Variants in GRM5 observed in about 807,000 individuals in gnomAD.
GRM5 encodes glutamate metabotropic receptor 5, also known as metabotropic glutamate receptor 5.
GRM5 carries 19 observed loss-of-function variants against 83.1 expected under a neutral mutation model. The observed-to-expected ratio is 0.23, with a 90% CI of 0.16 to 0.34. The LOEUF is 0.34. Ranked by LOEUF, GRM5 falls within the 10% of genes least tolerant of loss-of-function variation. The pLI is 1.00. For missense variants in GRM5, 1,160 were observed against 1,588.3 expected, an observed-to-expected ratio of 0.73 and a Z score of 4.58; for synonymous variants, 675 against 633.6, an observed-to-expected ratio of 1.07 and a Z score of -0.98.
intron 3 of GRM5, among the ~76,000 whole-genome samples, chr11:88,760,854 C>G (rs62355567): frequency 6.6e-6 from 1 of 152,198 alleles, no homozygotes; most frequent in African/African-American, 2.4e-5. Flanking sequence ...AAAAGCTTAT[C>G]CGTCATGATC....
At chr11:88,544,376 C>T (rs1467802279) in intron 8 of GRM5, among the ~76,000 whole-genome samples, 1 of 152,182 alleles carries the variant, frequency 6.6e-6, no homozygotes, top group African/African-American at 2.4e-5. Context: ...CTAGCCCAGC[C>T]TTGTGTTTGC....
At chr11:88,808,271 G>C (rs1305478595) in intron 3 of GRM5, among the ~76,000 whole-genome samples, 1 of 151,948 alleles carries the variant, frequency 6.6e-6, no homozygotes, top group Admixed American at 6.6e-5. Flanking sequence ...CTAATAGCAA[G>C]ATATAAGAAA....
intron 3 of GRM5, among the ~76,000 whole-genome samples, chr11:88,847,935 T>G (rs555343192): frequency 1.2e-4 from 18 of 152,336 alleles, no homozygotes; most frequent in African/African-American, 4.3e-4. Context: ...TTAGTGTACA[T>G]GGGATCAAAG....
At chr11:88,625,306 G>A (rs191564112) in intron 4 of GRM5, among the ~76,000 whole-genome samples, 4 of 152,254 alleles carry the variant, frequency 2.6e-5, no homozygotes, top group Non-Finnish European at 4.4e-5. Flanking sequence ...CATAGCAAGA[G>A]TGTATGAGGA....
chr11:88,714,322 G>A (rs73533748), intron 3 of GRM5, among the ~76,000 whole-genome samples: 2,119 of 152,032 alleles, frequency 0.014, 51 homozygotes, highest in African/African-American at 0.049. Flanking sequence ...TCAGTGAGCA[G>A]TAAAGGCATC....
chr11:89,010,876 G>C (rs1306457644), intron 2 of GRM5, among the ~76,000 whole-genome samples: 1 of 152,084 alleles, frequency 6.6e-6, no homozygotes, highest in Admixed American at 6.6e-5. Flanking sequence ...AATATCTGCA[G>C]AGGATGGCAC....
chr11:88,532,517 C>T (rs1242661721), intron 8 of GRM5, among the ~76,000 whole-genome samples: 1 of 152,104 alleles, frequency 6.6e-6, no homozygotes, highest in Non-Finnish European at 1.5e-5. Context: ...TAAGCTTGAG[C>T]ATAAACATGG....
intron 2 of GRM5, among the ~76,000 whole-genome samples, chr11:89,000,323 A>G (rs1260557764): frequency 6.6e-6 from 1 of 152,236 alleles, no homozygotes; most frequent in Non-Finnish European, 1.5e-5. Flanking sequence ...GTTTTATTAT[A>G]TAATTACAAT....
chr11:88,653,125 C>A (rs1306286335), intron 4 of GRM5, 43 bp downstream of exon 4: 4 of 1,213,864 alleles, frequency 3.3e-6, no homozygotes, highest in Non-Finnish European at 4.9e-6. Context: ...TAAATTGGAA[C>A]CTTAGCCTTA....
intron 2 of GRM5, among the ~76,000 whole-genome samples, chr11:88,890,332 A>G (rs1945122672): frequency 6.6e-6 from 1 of 152,110 alleles, no homozygotes; most frequent in Non-Finnish European, 1.5e-5. Context: ...GTGCCTACTT[A>G]TTAGGCCCTA....
chr11:89,023,016 G>A (rs1258183467), intron 2 of GRM5, among the ~76,000 whole-genome samples: 3 of 152,118 alleles, frequency 2.0e-5, no homozygotes, highest in Admixed American at 2.0e-4. Context: ...CACGTTCCCA[G>A]GTAATTTTCA....
intron 2 of GRM5, among the ~76,000 whole-genome samples, chr11:89,007,430 T>G (rs1565332659): frequency 6.6e-6 from 1 of 152,206 alleles, no homozygotes; most frequent in Non-Finnish European, 1.5e-5. Context: ...ATCCAGTGAT[T>G]GGTCACATTA....
chr11:89,048,597 C>T (rs1207174298), intron 1 of GRM5, among the ~76,000 whole-genome samples: 2 of 152,156 alleles, frequency 1.3e-5, no homozygotes, highest in African/African-American at 2.4e-5. Flanking sequence ...CATATTCTCT[C>T]TCCAAATACA....
intron 2 of GRM5, among the ~76,000 whole-genome samples, chr11:89,005,223 A>C (rs1017958805): frequency 6.6e-6 from 1 of 152,214 alleles, no homozygotes; most frequent in Non-Finnish European, 1.5e-5. Context: ...GAAAGAAAGA[A>C]ATTTGAAGTT....
At chr11:88,532,524 A>C (rs982163543) in intron 8 of GRM5, among the ~76,000 whole-genome samples, 1 of 152,202 alleles carries the variant, frequency 6.6e-6, no homozygotes. Context: ...GAGCATAAAC[A>C]TGGAAGTGCA....
intron 4 of GRM5, among the ~76,000 whole-genome samples, chr11:88,610,795 CCAATTCT>C (rs1234742888): frequency 2.0e-5 from 3 of 152,144 alleles, no homozygotes; most frequent in Non-Finnish European, 4.4e-5. Context: ...TTGTCTTGTT[CCAATTCT>C]CAGAAGGAAT....
At chr11:88,874,966 G>C (rs1448612089) in intron 2 of GRM5, among the ~76,000 whole-genome samples, 2 of 151,970 alleles carry the variant, frequency 1.3e-5, no homozygotes, top group African/African-American at 4.8e-5. Context: ...TTTGCTGATA[G>C]AGGATCTTGT....
At chr11:89,036,740 CCTA>C (rs1020151541) in intron 2 of GRM5, among the ~76,000 whole-genome samples, 1 of 147,058 alleles carries the variant, frequency 6.8e-6, no homozygotes, top group Non-Finnish European at 1.5e-5. Context: ...CTGGGTTCAT[CCTA>C]CTACTTAAAT....
intron 2 of GRM5, among the ~76,000 whole-genome samples, chr11:88,969,848 C>A (rs1939113785): frequency 6.6e-6 from 1 of 152,052 alleles, no homozygotes; most frequent in Non-Finnish European, 1.5e-5. Context: ...CCATGACTGT[C>A]TTCATACATT....
Sources: gnomAD v4.1 joint callset for allele counts (sites outside exome capture counted in the v4.1 genomes callset) on GRCh38, gnomAD v4.1.1 for gene constraint, MANE v1.5 for transcripts, NCBI Gene and HGNC (gene_info 2026-07-23, HGNC 2026-07-21) for gene names.